Variants in IMMP2L observed in about 807,000 individuals in gnomAD.
IMMP2L encodes the protein inner mitochondrial membrane peptidase subunit 2.
Under a neutral mutation model 19.3 loss-of-function variants are expected in IMMP2L, and 18 were observed. That is an observed-to-expected ratio of 0.93 (90% CI 0.64 to 1.38). The LOEUF (loss-of-function observed/expected upper bound fraction) is 1.38, where lower values mean the gene tolerates loss of function less well. Ranked by LOEUF, IMMP2L falls within the 40% of genes most tolerant of loss-of-function variation. The pLI is 0.00. For synonymous variants in IMMP2L, 76 were observed against 73.0 expected (o/e 1.04, Z -0.21); for missense variants, 233 against 218.2 (o/e 1.07, Z -0.43).
chr7:110,891,349 G>T (rs148264679), intron 4 of IMMP2L, among the ~76,000 whole-genome samples: 2 of 152,064 alleles, frequency 1.3e-5, no homozygotes, highest in Non-Finnish European at 2.9e-5. Flanking sequence ...TCCACCTTCC[G>T]CTCTCAAGTG....
At chr7:111,493,051 T>C (rs1843241043) in intron 2 of IMMP2L, among the ~76,000 whole-genome samples, 1 of 152,140 alleles carries the variant, frequency 6.6e-6, no homozygotes, top group Non-Finnish European at 1.5e-5. Context: ...GTCTAAAAGA[T>C]TAAAGGTTTT....
intron 4 of IMMP2L, among the ~76,000 whole-genome samples, chr7:110,893,153 G>C (rs1023689322): frequency 1.3e-5 from 2 of 152,076 alleles, no homozygotes; most frequent in African/African-American, 4.8e-5. Flanking sequence ...AGTTTATTAA[G>C]TGTGCAATAA....
At chr7:110,986,932 A>G (rs1214017149) in intron 3 of IMMP2L, among the ~76,000 whole-genome samples, 1 of 152,116 alleles carries the variant, frequency 6.6e-6, no homozygotes, top group African/African-American at 2.4e-5. Context: ...TGGGTCACCT[A>G]TTTTCCTGAG....
At chr7:110,876,750 C>T (rs1391978115) in intron 5 of IMMP2L, among the ~76,000 whole-genome samples, 1 of 152,088 alleles carries the variant, frequency 6.6e-6, no homozygotes, top group Non-Finnish European at 1.5e-5. Flanking sequence ...CAAATAATTG[C>T]ATTTTCTACC....
At chr7:111,060,407 A>G (rs995545524) in intron 3 of IMMP2L, among the ~76,000 whole-genome samples, 1 of 152,212 alleles carries the variant, frequency 6.6e-6, no homozygotes, top group Non-Finnish European at 1.5e-5. Flanking sequence ...TACAAAATGA[A>G]ATAATACTCA....
intron 2 of IMMP2L, among the ~76,000 whole-genome samples, chr7:111,518,349 ACTAGTATTACAC>A (rs1846048355): frequency 6.6e-6 from 1 of 152,068 alleles, no homozygotes; most frequent in Non-Finnish European, 1.5e-5. Flanking sequence ...AACCCAAAAG[ACTAGTATTACAC>A]CTCCCTTTAA....
intron 5 of IMMP2L, among the ~76,000 whole-genome samples, chr7:110,750,271 A>G (rs1276552443): frequency 6.6e-6 from 1 of 152,008 alleles, no homozygotes; most frequent in East Asian, 1.9e-4. Flanking sequence ...TTTTGTCAAT[A>G]CAAAGCAAGG....
chr7:111,174,278 C>CA (rs1480601216), intron 3 of IMMP2L, among the ~76,000 whole-genome samples: 1 of 151,542 alleles, frequency 6.6e-6, no homozygotes, highest in East Asian at 1.9e-4. Context: ...ACAAATGAGA[C>CA]AGGCAAGGCA....
At chr7:111,257,950 G>A (rs1371309663) in intron 3 of IMMP2L, among the ~76,000 whole-genome samples, 1 of 150,796 alleles carries the variant, frequency 6.6e-6, no homozygotes, top group Non-Finnish European at 1.5e-5. Context: ...GCCCCCAACA[G>A]GCCTCGGTGT....
chr7:111,295,588 G>A (rs1431810386), intron 3 of IMMP2L, among the ~76,000 whole-genome samples: 1 of 151,824 alleles, frequency 6.6e-6, no homozygotes, highest in Non-Finnish European at 1.5e-5. Flanking sequence ...CAGTGAAAAA[G>A]AAGGAGAAAT....
intron 3 of IMMP2L, among the ~76,000 whole-genome samples, chr7:110,993,689 C>A (rs1007102543): frequency 5.3e-5 from 8 of 152,034 alleles, no homozygotes; most frequent in Non-Finnish European, 8.8e-5. Context: ...CAATGTCCAA[C>A]TGGATATTGC....
intron 3 of IMMP2L, among the ~76,000 whole-genome samples, chr7:111,310,978 A>C (rs1355312246): frequency 6.6e-6 from 1 of 152,164 alleles, no homozygotes; most frequent in Non-Finnish European, 1.5e-5. Flanking sequence ...TATGTGCTAA[A>C]AATCTCTTTT....
At chr7:110,889,484 AC>A (rs1345781687) in intron 4 of IMMP2L, among the ~76,000 whole-genome samples, 3 of 152,128 alleles carry the variant, frequency 2.0e-5, no homozygotes, top group Non-Finnish European at 4.4e-5. Context: ...CTTTAATGAC[AC>A]CACTGATTTG....
At chr7:110,750,054 A>C (rs1053542259) in intron 5 of IMMP2L, among the ~76,000 whole-genome samples, 14 of 152,100 alleles carry the variant, frequency 9.2e-5, no homozygotes, top group Non-Finnish European at 1.5e-5. Context: ...AAAACTTTTC[A>C]ATAGACAAAC....
chr7:111,020,574 C>A (rs779510571), intron 3 of IMMP2L, among the ~76,000 whole-genome samples: 3 of 152,060 alleles, frequency 2.0e-5, no homozygotes, highest in South Asian at 4.1e-4. Context: ...CCAGCCTGGG[C>A]AAAATGGTAA....
At chr7:111,462,173 A>G (rs1840193728) in intron 3 of IMMP2L, among the ~76,000 whole-genome samples, 2 of 152,028 alleles carry the variant, frequency 1.3e-5, no homozygotes, top group African/African-American at 4.8e-5. Context: ...ATAACCAGTA[A>G]TTGTTTGAGC....
intron 5 of IMMP2L, among the ~76,000 whole-genome samples, chr7:110,731,536 C>T (rs1293583020): frequency 6.6e-6 from 1 of 152,106 alleles, no homozygotes; most frequent in Non-Finnish European, 1.5e-5. Flanking sequence ...GGGGGTGACA[C>T]AGGAGAGGGA....
chr7:111,510,769 A>G (rs535749151), intron 2 of IMMP2L, among the ~76,000 whole-genome samples: 4 of 152,186 alleles, frequency 2.6e-5, no homozygotes, highest in African/African-American at 9.6e-5. Context: ...GAAACCCCAA[A>G]AAGGCTTTGG....
intron 2 of IMMP2L, among the ~76,000 whole-genome samples, chr7:111,493,269 T>C (rs935168148): frequency 1.3e-5 from 2 of 152,140 alleles, no homozygotes; most frequent in Non-Finnish European, 2.9e-5. Context: ...TAAACTATCT[T>C]GTTTATTTAT....
Sources: allele counts gnomAD v4.1 joint callset (sites outside exome capture counted in the v4.1 genomes callset), GRCh38; gene constraint gnomAD v4.1.1; transcripts MANE v1.5; gene names NCBI Gene and HGNC (gene_info 2026-07-23, HGNC 2026-07-21).